GNAS: variants seen among roughly 807,000 people sequenced by gnomAD.
GNAS encodes protein ALEX.
GNAS carries 8 observed loss-of-function variants against 54.5 expected under a neutral mutation model. The ratio of observed to expected loss-of-function variants is 0.15; its 90% confidence interval spans 0.09 to 0.26. The LOEUF (loss-of-function observed/expected upper bound fraction) is 0.26. Among genes scored for constraint, GNAS ranks in the 10% least tolerant of loss-of-function variants. The pLI is 1.00. For synonymous variants in GNAS, 204 were observed against 191.4 expected, an observed-to-expected ratio of 1.07 and a Z score of -0.54; for missense variants, 170 against 529.8, an observed-to-expected ratio of 0.32 and a Z score of 6.67.
chr20:58,889,027 G>A (rs2088825756), upstream of GNAS: 1 of 987,952 alleles, frequency 1.0e-6, no homozygotes, highest in Non-Finnish European at 1.2e-6. Flanking sequence ...CACCCCCAGG[G>A]TGCGCGGCGG....
At chr20:58,898,276 T>C (rs955238560) in intron 2 of GNAS, 8 of 152,208 alleles carry the variant, frequency 5.3e-5, no homozygotes, top group African/African-American at 1.9e-4. Context: ...TTTTTCTTTT[T>C]TCCGTGGTGG....
Position 58,891,509 on chromosome 20 carries a change from C to T in GNAS, c.-218C>T. On this transcript the variant is annotated 5_prime_UTR_variant, in exon 1 of 13. Coordinates refer to ENST00000371085, the MANE Select transcript of GNAS (RefSeq NM_000516.7). ...CCTCGGCTCGAGGGGCGGGGAGCTG[C>T]GCGCGCCCCTCGGTCCGACCGACAC... The T allele has an allele frequency of 1.0e-6, 1 of 973,494 alleles. No individual in the cohort carries two copies. Among genetic ancestry groups the T allele is most frequent in the Non-Finnish European group, 1.2e-6 (1 of 821,978 alleles). The allele number at this position is 973,494 out of a possible 1,614,324, so 60.3% of individuals were successfully genotyped here. A position where few individuals can be genotyped will look rare whatever the true frequency, so the allele number is the denominator to read the frequency against.
chr20:58,901,630 T>C (rs977715259), intron 3 of GNAS, among the ~76,000 whole-genome samples: 5 of 136,942 alleles, frequency 3.7e-5, no homozygotes, highest in African/African-American at 8.1e-5. Flanking sequence ...CTTCACCCAA[T>C]GTAGAAGAGC....
chr20:58,891,017 C>T (rs1434364983), upstream of GNAS, among the ~76,000 whole-genome samples: 1 of 151,150 alleles, frequency 6.6e-6, no homozygotes, highest in Admixed American at 6.6e-5. Flanking sequence ...CTCGGGGGCG[C>T]CGGGCGACGC....
At chr20:58,855,787 C>T in intron 1 of GNAS, 1 of 610,978 alleles carries the variant, frequency 1.6e-6, no homozygotes, top group Admixed American at 2.9e-5. Flanking sequence ...GACAGCTTGT[C>T]GTTGGTGTGT....
chr20:58,895,767 G>A, intron 2 of GNAS, 83 bp downstream of exon 2: 1 of 865,398 alleles, frequency 1.2e-6, no homozygotes, highest in Non-Finnish European at 2.0e-6. Context: ...GGTGGGCTTT[G>A]GGGGCTGGGC....
chr20:58,859,260 G>T (rs1426548735), intron 1 of GNAS, among the ~76,000 whole-genome samples: 2 of 152,186 alleles, frequency 1.3e-5, no homozygotes, highest in Non-Finnish European at 2.9e-5. Flanking sequence ...GAGTGCAATG[G>T]CAGGATTTCT....
At chr20:58,843,650 GGGA>G (rs1008112560) in intron 1 of GNAS, among the ~76,000 whole-genome samples, 3 of 152,234 alleles carry the variant, frequency 2.0e-5, no homozygotes, top group African/African-American at 7.2e-5. Flanking sequence ...TGGAGGGTGA[GGGA>G]GGAGGAGGAG....
At chr20:58,895,532 CAA>C in intron 1 of GNAS, 78 bp from the exon 2 acceptor site, 2 of 871,930 alleles carry the variant, frequency 2.3e-6, no homozygotes, top group Non-Finnish European at 2.0e-6. Context: ...TATGGAAAAA[CAA>C]AACAACAACA....
chr20:58,861,078 T>G (rs760527895), intron 1 of GNAS, among the ~76,000 whole-genome samples: 14 of 152,170 alleles, frequency 9.2e-5, no homozygotes, highest in African/African-American at 2.4e-5. Flanking sequence ...TTCCTCCAAA[T>G]AAAACTTACC....
chr20:58,851,234 CATGG>C (rs1319568213), intron 1 of GNAS, among the ~76,000 whole-genome samples: 1 of 152,228 alleles, frequency 6.6e-6, no homozygotes, highest in Non-Finnish European at 1.5e-5. Flanking sequence ...TGCGTGGCCA[CATGG>C]ATGGTGGATG....
At position 58,840,995 on chromosome 20, in the gene GNAS, G is replaced by C; in HGVS notation, c.43+109G>C. ...GTCAGGGGCGAGTGGGAAGAGAGGA[G>C]GCTCAGCTGGTCAGCCTGGGATCGG... On this transcript the variant is annotated intron_variant, in intron 1 of 12. Transcript: ENST00000306090. This position sits in a 1 kb window ranked among gnomAD's most constrained non-coding sequence, Gnocchi z 6.0. 8.2e-7 allele frequency: 1 copy of C among 1,217,014 alleles called. No homozygotes were observed. The highest frequency in any genetic ancestry group is 1.2e-6 in the Non-Finnish European group (1 of 852,504). 75.4% of individuals were successfully genotyped at this position (1,217,014 alleles called of 1,614,324 possible). A position where few individuals can be genotyped will look rare whatever the true frequency, so the allele number is the denominator to read the frequency against.
At chr20:58,854,489 A>C (rs1443406572) in intron 1 of GNAS, 2 of 1,579,758 alleles carry the variant, frequency 1.3e-6, no homozygotes, top group Non-Finnish European at 1.7e-6. Flanking sequence ...GGGCAACCCC[A>C]GAAGATCCCG....
rs745570313 is a variant in GNAS at position 58,840,869 on chromosome 20, T to C, written c.26T>C (p.Leu9Pro). The change falls in exon 1 of 13, where the codon CTT (leucine) becomes CCT (proline). Residue 9 changes from leucine (L) to proline (P), a missense_variant. Physicochemically the swap from Leu to Pro is moderately conservative, Grantham distance 98. Transcript: ENST00000306090. The surrounding 1 kb of genome is among the most constrained non-coding windows in gnomAD (Gnocchi z 6.0). ...ATGGAGGACGCCGTCCAGATTCTCC[T>C]TGTTTTCATGGATTCAGGTTAGTTG... is the stretch of plus-strand genomic sequence containing the variant. 1.2e-6 allele frequency: 2 copies of C among 1,612,762 alleles called. No homozygotes were observed. The highest frequency in any genetic ancestry group is 1.1e-5 in the South Asian group (1 of 91,070).
chr20:58,891,570 C>G lies in GNAS; in HGVS notation c.-157C>G. 2.1e-6 allele frequency: 2 copies of G among 972,912 alleles called. No homozygotes were observed. The highest frequency in any genetic ancestry group is 2.4e-6 in the Non-Finnish European group (2 of 822,650). The allele number at this position is 972,912 out of a possible 1,614,324, so 60.3% of individuals were successfully genotyped here. On this transcript the variant is annotated 5_prime_UTR_variant, in exon 1 of 13. Transcript: ENST00000371085. ...CCGCCCGTCCGCGCGCCCCGCGGCC[C>G]GCGGCCCGCAGTCCGCCCCGCGCGC...
intron 1 of GNAS, among the ~76,000 whole-genome samples, chr20:58,877,452 G>C (rs1405738098): frequency 6.6e-6 from 1 of 152,194 alleles, no homozygotes; most frequent in Non-Finnish European, 1.5e-5. Flanking sequence ...GGTTCTCCTA[G>C]TTGTGCTCTG....
Position 58,854,804 on chromosome 20 carries a change from G to A in GNAS, c.43+13918G>A. 2 of 1,584,420 alleles carry A rather than the reference G, an allele frequency of 1.3e-6. No individual in the cohort carries two copies. The highest frequency in any genetic ancestry group is 1.7e-6 in the Non-Finnish European group (2 of 1,172,378). On this transcript the variant is annotated intron_variant, in intron 1 of 12. Transcript: ENST00000306090. ...CCCGGGCAGCCCAAGTCCGCCGGGC[G>A]GCCTCTGCAGCCCCTGCCTCCGGGG...
chr20:58,903,239 G>A (rs2090791109), intron 3 of GNAS: 1 of 509,478 alleles, frequency 2.0e-6, no homozygotes, highest in Non-Finnish European at 3.6e-6. Flanking sequence ...TGTAGTGTGG[G>A]GGCTTCAAAC....
rs1340617490 is a variant in GNAS at position 58,841,441 on chromosome 20, G to A, written c.43+555G>A. On this transcript the variant is annotated intron_variant, in intron 1 of 12. Transcript: ENST00000306090. The surrounding 1 kb of genome is among the most constrained non-coding windows in gnomAD (Gnocchi z 5.0). ...ACTGACCACCCGGGAGGGAAGTCAC[G>A]CGCGCGCGGCGCCTAAGCAGCTCAG... 3 of 990,950 alleles carry A rather than the reference G, an allele frequency of 3.0e-6. No homozygotes were observed. The highest frequency in any genetic ancestry group is 1.2e-4 in the Admixed American group (2 of 17,134). 61.4% of individuals were successfully genotyped at this position (990,950 alleles called of 1,614,324 possible).
Sources: gnomAD v4.1 joint callset for allele counts (sites outside exome capture counted in the v4.1 genomes callset) on GRCh38, gnomAD v4.1.1 for gene constraint, Gnocchi (gnomAD v3.1) non-coding constraint, MANE v1.5 for transcripts, NCBI Gene and HGNC (gene_info 2026-07-23, HGNC 2026-07-21) for gene names.